The following NALCN variants were observed in gnomAD, a reference collection of about 807,000 sequenced individuals.
NALCN encodes the protein sodium leak channel, non-selective.
A neutral mutation model predicts 225.3 loss-of-function variants in NALCN; 111 were observed. The observed-to-expected ratio is 0.49, with a 90% confidence interval of 0.42 to 0.58. The LOEUF is 0.58. Ranked by LOEUF, NALCN falls within the 20% of genes least tolerant of loss-of-function variation. NALCN has a pLI of 0.00. For missense variants in NALCN, 1,378 were observed against 2,202.4 expected, an observed-to-expected ratio of 0.63 and a Z score of 7.49; for synonymous variants, 764 against 769.0, an observed-to-expected ratio of 0.99 and a Z score of 0.11.
intron 18 of NALCN, among the ~76,000 whole-genome samples, chr13:101,118,470 T>C (rs1212150221): frequency 6.6e-6 from 1 of 152,216 alleles, no homozygotes; most frequent in African/African-American, 2.4e-5. Flanking sequence ...TTGCCACTTT[T>C]AAATCTTTAC....
intron 38 of NALCN, 110 bp from the exon 39 acceptor site, chr13:101,068,143 G>T: frequency 1.4e-6 from 1 of 693,136 alleles, no homozygotes; most frequent in Non-Finnish European, 2.4e-6. Context: ...TATATCATAA[G>T]CCAAATTTTT....
chr13:101,110,992 C>T, intron 19 of NALCN, 133 bp downstream of exon 19: 1 of 858,126 alleles, frequency 1.2e-6, no homozygotes, highest in Non-Finnish European at 1.8e-6. Flanking sequence ...TAACAAACAG[C>T]AAATAGAACG....
chr13:101,322,512 A>G (rs954180733), intron 7 of NALCN, among the ~76,000 whole-genome samples: 3 of 152,194 alleles, frequency 2.0e-5, no homozygotes, highest in African/African-American at 7.2e-5. Context: ...TAAACAGACT[A>G]TCAAAGAAAT....
chr13:101,185,021 C>G (rs907914996), intron 14 of NALCN, among the ~76,000 whole-genome samples: 1 of 151,980 alleles, frequency 6.6e-6, no homozygotes, highest in South Asian at 2.1e-4. Context: ...GAAATATACA[C>G]TAGAAACACA....
At chr13:101,310,891 T>A (rs7339234) in intron 7 of NALCN, among the ~76,000 whole-genome samples, 11,531 of 152,218 alleles carry the variant, frequency 0.076, 543 homozygotes, top group African/African-American at 0.12. Flanking sequence ...TATTCACATA[T>A]GGAATGTGTA....
At chr13:101,187,491 C>T (rs192244685) in intron 14 of NALCN, among the ~76,000 whole-genome samples, 7 of 152,180 alleles carry the variant, frequency 4.6e-5, no homozygotes, top group Non-Finnish European at 2.9e-5. Flanking sequence ...AGAGGATATT[C>T]GCAACACATG....
In NALCN at chr13:101,220,096, C is replaced by T. The variant is rs138800272; in HGVS notation, c.1626+9297G>A. Reference sequence around the variant, plus strand: ...TTATTTTCCCACACCATTCTGCAGCCCTATAAACATTGCTGGGAGGCAGCC... The same window carrying T: ...TTATTTTCCCACACCATTCTGCAGCTCTATAAACATTGCTGGGAGGCAGCC... On this transcript the variant is annotated intron_variant, in intron 13 of 43. Transcript: ENST00000251127. Among the ~76,000 whole-genome samples, 1,112 of 152,302 alleles carry T rather than the reference C, an allele frequency of 7.3e-3. 10 individuals are homozygous for T. Among genetic ancestry groups the T allele is most frequent in the South Asian group, 0.029 (141 of 4,824 alleles).
At chr13:101,076,821 A>G (rs778269744) in intron 34 of NALCN, among the ~76,000 whole-genome samples, 11 of 152,106 alleles carry the variant, frequency 7.2e-5, no homozygotes, top group Non-Finnish European at 1.5e-4. Context: ...TGGGTTTAAG[A>G]TTTCCTCTCT....
chr13:101,058,425 G>GAT, intron 42 of NALCN: 1 of 152,470 alleles, frequency 6.6e-6, no homozygotes, highest in South Asian at 1.9e-4. Flanking sequence ...GCTGGGCGGG[G>GAT]GCAGTCTACT....
At chr13:101,412,755 A>G (rs1326275871) in intron 1 of NALCN, among the ~76,000 whole-genome samples, 1 of 152,206 alleles carries the variant, frequency 6.6e-6, no homozygotes. Flanking sequence ...CTAGGAAAGA[A>G]AGATCCTCTT....
At chr13:101,176,205 A>T in intron 15 of NALCN, 95 bp downstream of exon 15, 2 of 837,834 alleles carry the variant, frequency 2.4e-6, no homozygotes, top group Non-Finnish European at 3.4e-6. Flanking sequence ...TTTTATTTTT[A>T]CTTTGAAGCT....
chr13:101,181,550 C>A (rs1220072196), intron 14 of NALCN, among the ~76,000 whole-genome samples: 2 of 149,264 alleles, frequency 1.3e-5, no homozygotes, highest in African/African-American at 2.5e-5. Flanking sequence ...TTGAGACCAG[C>A]CTGGGCAACC....
At chr13:101,112,472 C>T (rs2035494290) in intron 18 of NALCN, among the ~76,000 whole-genome samples, 2 of 152,082 alleles carry the variant, frequency 1.3e-5, no homozygotes, top group Non-Finnish European at 2.9e-5. Context: ...ACAGGAATTC[C>T]CTTGAGATAG....
intron 10 of NALCN, among the ~76,000 whole-genome samples, chr13:101,266,481 C>T (rs972299559): frequency 4.6e-5 from 7 of 151,994 alleles, no homozygotes; most frequent in African/African-American, 1.7e-4. Context: ...GGCAAAGAGA[C>T]AAAATAGTGG....
chr13:101,073,812 A>G lies in NALCN; in HGVS notation c.4104-135T>C, dbSNP rs574129181. 3.4e-5 allele frequency: 22 copies of G among 644,120 alleles called. No individual in the cohort carries two copies. The African/African-American group carries it at 3.7e-4, about 11-fold the overall frequency. The allele number at this position is 644,120 out of a possible 1,614,324, so 39.9% of individuals were successfully genotyped here. A position where few individuals can be genotyped will look rare whatever the true frequency, so the allele number is the denominator to read the frequency against. On this transcript the variant is annotated intron_variant, in intron 36 of 43. Transcript: ENST00000251127. ...CTAAGTCACCTTTTCCAAAGGTTATACCTTTTTATTAATTTGTCATTTATA... is the reference window on the plus strand; with the variant it reads ...CTAAGTCACCTTTTCCAAAGGTTATGCCTTTTTATTAATTTGTCATTTATA...
chr13:101,055,540 T>TAATC, intron 43 of NALCN, 52 bp from the exon 44 acceptor site: 1 of 1,502,708 alleles, frequency 6.7e-7, no homozygotes, highest in East Asian at 2.3e-5. Context: ...CACCCTATTG[T>TAATC]AATCACTCCT....
intron 17 of NALCN, among the ~76,000 whole-genome samples, chr13:101,136,530 C>A (rs139262547): frequency 6.6e-6 from 1 of 151,274 alleles, no homozygotes; most frequent in Admixed American, 6.6e-5. Context: ...GTTCAGTTCC[C>A]ACCTATGAGT....
chr13:101,207,946 C>T (rs1414856714), intron 13 of NALCN, among the ~76,000 whole-genome samples: 3 of 152,146 alleles, frequency 2.0e-5, no homozygotes, highest in African/African-American at 4.8e-5. Flanking sequence ...CTGAAGCCAG[C>T]GAGACCACGA....
At chr13:101,266,234 A>G (rs2042591745) in intron 10 of NALCN, among the ~76,000 whole-genome samples, 1 of 152,214 alleles carries the variant, frequency 6.6e-6, no homozygotes, top group African/African-American at 2.4e-5. Context: ...ATTTGAAAGT[A>G]GAGATGCAGT....
Sources: gnomAD v4.1 joint callset for allele counts (sites outside exome capture counted in the v4.1 genomes callset) on GRCh38, gnomAD v4.1.1 for gene constraint, MANE v1.5 for transcripts, NCBI Gene and HGNC (gene_info 2026-07-23, HGNC 2026-07-21) for gene names.